ATP6V1C2: variants seen among roughly 807,000 people sequenced by gnomAD.
The protein encoded by ATP6V1C2 is ATPase H+ transporting V1 subunit C2.
In ATP6V1C2, 45 loss-of-function variants were observed where a neutral mutation model predicts 56.8. The ratio of observed to expected loss-of-function variants is 0.79; its 90% CI spans 0.62 to 1.02. The LOEUF (loss-of-function observed/expected upper bound fraction) is 1.02, where lower values mean the gene tolerates loss of function less well. Among genes scored for constraint, ATP6V1C2 ranks in the 50% least tolerant of loss-of-function variants. The pLI, the probability that ATP6V1C2 is intolerant of heterozygous loss-of-function variation, is 0.00. For missense variants in ATP6V1C2, 463 were observed against 519.7 expected, an observed-to-expected ratio of 0.89 and a Z score of 1.06; for synonymous variants, 220 against 201.3, an observed-to-expected ratio of 1.09 and a Z score of -0.79.
intron 11 of ATP6V1C2, 68 bp from the exon 12 acceptor site, chr2:10,778,504 A>T: frequency 6.8e-7 from 1 of 1,479,752 alleles, no homozygotes; most frequent in Middle Eastern, 1.8e-4. Flanking sequence ...TCAAAACCCA[A>T]GTCCTTTCTT....
At chr2:10,746,090 C>G (rs1448494957) in intron 3 of ATP6V1C2, among the ~76,000 whole-genome samples, 1 of 152,120 alleles carries the variant, frequency 6.6e-6, no homozygotes, top group African/African-American at 2.4e-5. Context: ...ACCTCCACCT[C>G]CTGGGTTTAA....
At chr2:10,742,189 C>T (rs530515631) in intron 3 of ATP6V1C2, among the ~76,000 whole-genome samples, 11 of 152,186 alleles carry the variant, frequency 7.2e-5, no homozygotes, top group African/African-American at 1.7e-4. Flanking sequence ...GGATTATAGG[C>T]GTGAGTCACC....
intron 3 of ATP6V1C2, among the ~76,000 whole-genome samples, chr2:10,733,118 T>G (rs1662057345): frequency 6.6e-6 from 1 of 152,224 alleles, no homozygotes; most frequent in Admixed American, 6.5e-5. Flanking sequence ...TGCATTGTTT[T>G]CGTTTTCCTT....
At chr2:10,753,532 A>AC (rs1663339705) in intron 3 of ATP6V1C2, among the ~76,000 whole-genome samples, 1 of 136,948 alleles carries the variant, frequency 7.3e-6, no homozygotes, top group African/African-American at 2.7e-5. Context: ...GGCTATTAGC[A>AC]TTTTTTTTTT....
In ATP6V1C2 at chr2:10,785,011, CA is replaced by C; in HGVS notation, c.*1749del. ...CCGCCTCCTACAGGTGCCGTGGAGC[CA>C]CGCCCAAAAGAGAGCTCCCTTAGGG... On this transcript the variant is annotated 3_prime_UTR_variant, in exon 14 of 14. Coordinates refer to ENST00000272238, the MANE Select transcript of ATP6V1C2 (RefSeq NM_001039362.2). The C allele has an allele frequency of 6.3e-7, 1 of 1,581,712 alleles. No individual in the cohort carries two copies. Among genetic ancestry groups the C allele is most frequent in the South Asian group, 1.2e-5 (1 of 86,648 alleles).
chr2:10,751,120 T>C (rs1035662769), intron 3 of ATP6V1C2, among the ~76,000 whole-genome samples: 31 of 152,200 alleles, frequency 2.0e-4, no homozygotes, highest in African/African-American at 7.5e-4. Flanking sequence ...GAGTTATGTG[T>C]GGGCTATAGG....
intron 6 of ATP6V1C2, among the ~76,000 whole-genome samples, chr2:10,769,168 G>A (rs932298944): frequency 6.6e-6 from 1 of 152,224 alleles, no homozygotes; most frequent in Non-Finnish European, 1.5e-5. Context: ...GGATGTCAGC[G>A]CACGGCCCGT....
chr2:10,752,671 T>C (rs919883269), intron 3 of ATP6V1C2, among the ~76,000 whole-genome samples: 8 of 152,114 alleles, frequency 5.3e-5, no homozygotes, highest in Admixed American at 2.0e-4. Flanking sequence ...TTATAGGTAA[T>C]AGAACGGAGG....
At chr2:10,742,998 C>T (rs931521747) in intron 3 of ATP6V1C2, among the ~76,000 whole-genome samples, 1 of 152,192 alleles carries the variant, frequency 6.6e-6, no homozygotes, top group African/African-American at 2.4e-5. Context: ...TCCATCTTAC[C>T]CAATTTCTTC....
chr2:10,725,489 A>ATTTTTTTTT (rs371459373), intron 2 of ATP6V1C2, among the ~76,000 whole-genome samples: 1 of 107,158 alleles, frequency 9.3e-6, no homozygotes, highest in Non-Finnish European at 1.8e-5. Context: ...CCCAGCAAGA[A>ATTTTTTTTT]TTTTTTTTTT....
chr2:10,727,952 C>G (rs1216734040), intron 3 of ATP6V1C2, among the ~76,000 whole-genome samples: 1 of 152,186 alleles, frequency 6.6e-6, no homozygotes, highest in Non-Finnish European at 1.5e-5. Context: ...TTTCCTGTCC[C>G]CTAGTCCTCC....
At chr2:10,743,302 G>C (rs1182071475) in intron 3 of ATP6V1C2, among the ~76,000 whole-genome samples, 1 of 150,876 alleles carries the variant, frequency 6.6e-6, no homozygotes, top group African/African-American at 2.4e-5. Flanking sequence ...ACAGGGTCTC[G>C]CTATGTTGCT....
At chr2:10,768,372 C>T (rs539282089) in intron 5 of ATP6V1C2, among the ~76,000 whole-genome samples, 3 of 152,326 alleles carry the variant, frequency 2.0e-5, no homozygotes, top group South Asian at 2.1e-4. Flanking sequence ...CAGGCCATGT[C>T]GGGTACCCCT....
chr2:10,782,363 A>G lies in ATP6V1C2; in HGVS notation c.1182A>G (p.Thr394=). The G allele has an allele frequency of 2.5e-6, 4 of 1,614,202 alleles. No homozygotes were observed. Among genetic ancestry groups the G allele is most frequent in the Non-Finnish European group, 3.4e-6 (4 of 1,180,038 alleles). Residue 394 remains threonine (T), a synonymous_variant, in exon 13 of 14, where the codon ACA becomes ACG. Transcript: ENST00000272238. The part of the protein sequence containing the change: ...VFRHLDEVAA[T]SILDASVEIP... ...GACATCTGGATGAAGTAGCCGCTACAAGTATACTGGATGTAGGTATCCAGA... is the reference window on the plus strand; with the variant it reads ...GACATCTGGATGAAGTAGCCGCTACGAGTATACTGGATGTAGGTATCCAGA...
intron 6 of ATP6V1C2, among the ~76,000 whole-genome samples, chr2:10,770,726 G>A (rs986580436): frequency 3.9e-5 from 6 of 152,238 alleles, no homozygotes; most frequent in African/African-American, 1.2e-4. Flanking sequence ...TTTACTAAGT[G>A]CATATACCAA....
At chr2:10,723,567 G>A (rs956355324) in intron 2 of ATP6V1C2, among the ~76,000 whole-genome samples, 3 of 151,928 alleles carry the variant, frequency 2.0e-5, no homozygotes, top group African/African-American at 4.8e-5. Context: ...GGCCAGGCGC[G>A]GTGGCTCACG....
In ATP6V1C2 at chr2:10,722,301, C is replaced by CT. The variant is rs78152769; in HGVS notation, c.-26-513dup. ...TAGTAGTTCCCCTCACCCCCTACTA[C>CT]TTTTTTTTTTCTTATTTAAAAAAAT... On this transcript the variant is annotated intron_variant, in intron 1 of 13. Transcript: ENST00000272238. Among the ~76,000 whole-genome samples, 365 of 150,426 alleles carry CT rather than the reference C, an allele frequency of 2.4e-3. 2 individuals are homozygous for CT. Among genetic ancestry groups the CT allele is most frequent in the Non-Finnish European group, 3.5e-3 (237 of 67,396 alleles).
At chr2:10,740,349 T>G (rs1194183576) in intron 3 of ATP6V1C2, among the ~76,000 whole-genome samples, 4 of 152,188 alleles carry the variant, frequency 2.6e-5, no homozygotes, top group African/African-American at 9.7e-5. Flanking sequence ...ATTGTACTCC[T>G]ATTTGTGTGA....
rs747917559 is a variant in ATP6V1C2, at chr2:10,778,579, T to C, written c.971T>C (p.Leu324Pro). 2.5e-6 allele frequency: 4 copies of C among 1,614,140 alleles called. No individual in the cohort carries two copies. Among genetic ancestry groups the C allele is most frequent in the Non-Finnish European group, 3.4e-6 (4 of 1,179,976 alleles). ...GCTCTTCTGTCTTTGCAGGGCCCCC[T>C]GCTGCGCTGGCTCAAGGTGAACTTC... ...RESEGEGEGP[L>P]LRWLKVNFSE... Residue 324 changes from leucine (L) to proline (P), a missense_variant, in exon 12 of 14, where the codon CTG becomes CCG. Coordinates refer to ENST00000272238, the MANE Select transcript of ATP6V1C2 (RefSeq NM_001039362.2).
Sources: gnomAD v4.1 joint callset for allele counts (sites outside exome capture counted in the v4.1 genomes callset) on GRCh38, gnomAD v4.1.1 for gene constraint, MANE v1.5 for transcripts, NCBI Gene and HGNC (gene_info 2026-07-23, HGNC 2026-07-21) for gene names.